RRAGD: variants seen among roughly 807,000 people sequenced by gnomAD.
The protein encoded by RRAGD is Ras related GTP binding D.
A neutral mutation model predicts 35.5 loss-of-function variants in RRAGD; 12 were observed. The ratio of observed to expected loss-of-function variants is 0.34; its 90% CI spans 0.22 to 0.55. The LOEUF is 0.55. Among genes scored for constraint, RRAGD ranks in the 20% least tolerant of loss-of-function variants. The pLI, the probability that RRAGD is intolerant of heterozygous loss-of-function variation, is 0.91. For missense variants in RRAGD, 324 were observed against 490.1 expected (o/e 0.66, Z 3.20); for synonymous variants, 155 against 178.9 (o/e 0.87, Z 1.07).
chr6:89,385,060 G>A (rs985923903), intron 2 of RRAGD, among the ~76,000 whole-genome samples: 2 of 151,848 alleles, frequency 1.3e-5, no homozygotes, highest in Admixed American at 6.6e-5. Context: ...GTGAGACCTC[G>A]TCTGAGGAAG....
intron 1 of RRAGD, among the ~76,000 whole-genome samples, chr6:89,393,282 G>C (rs1299376836): frequency 6.6e-6 from 1 of 152,230 alleles, no homozygotes; most frequent in Non-Finnish European, 1.5e-5. Context: ...GGAATCTGCA[G>C]TCCTTGACTA....
At chr6:89,399,440 T>C (rs892392469) in intron 1 of RRAGD, among the ~76,000 whole-genome samples, 1 of 152,148 alleles carries the variant, frequency 6.6e-6, no homozygotes, top group Non-Finnish European at 1.5e-5. Context: ...TAGTTCCGAA[T>C]AGATGCATTT....
At chr6:89,399,745 C>G (rs1769417586) in intron 1 of RRAGD, among the ~76,000 whole-genome samples, 1 of 150,336 alleles carries the variant, frequency 6.7e-6, no homozygotes, top group African/African-American at 2.5e-5. Flanking sequence ...TGCCACTGCA[C>G]TTTGTACCAC....
chr6:89,370,720 TGTG>T (rs2127883810), intron 6 of RRAGD, among the ~76,000 whole-genome samples: 1 of 152,246 alleles, frequency 6.6e-6, no homozygotes, highest in African/African-American at 2.4e-5. Flanking sequence ...ATTAAAATGA[TGTG>T]GTTAAAAAAA....
intron 2 of RRAGD, among the ~76,000 whole-genome samples, chr6:89,381,927 C>G (rs1769049521): frequency 6.6e-6 from 1 of 151,874 alleles, no homozygotes; most frequent in South Asian, 2.1e-4. Flanking sequence ...CTGTAAACAG[C>G]ATCTGATGCT....
At chr6:89,368,852 C>CA (rs970550183) in intron 6 of RRAGD, among the ~76,000 whole-genome samples, 1 of 151,982 alleles carries the variant, frequency 6.6e-6, no homozygotes, top group Non-Finnish European at 1.5e-5. Flanking sequence ...ATCAGTGACA[C>CA]AAAAAATAGA....
chr6:89,373,024 A>T lies in RRAGD; in HGVS notation c.903-439T>A, dbSNP rs1338426732. On this transcript the variant is annotated intron_variant, in intron 5 of 6. Transcript: ENST00000369415. ...GCTAGACTGGATCCTGAATTGGGAA[A>T]AACTGCTATAAAAGATAGAATTGGG... Among the ~76,000 whole-genome samples, 23 of 152,368 alleles carry T rather than the reference A, an allele frequency of 1.5e-4. No homozygotes were observed. In the East Asian group the frequency reaches 3.9e-3, roughly 26 times the overall value.
chr6:89,381,543 T>C (rs9444687), intron 2 of RRAGD, among the ~76,000 whole-genome samples: 5,372 of 152,302 alleles, frequency 0.035, 182 homozygotes, highest in African/African-American at 0.087. Flanking sequence ...TTATTCTCAC[T>C]CATGTATACA....
At position 89,367,374 on chromosome 6, in the gene RRAGD, G is replaced by A. The variant is rs774066419; in HGVS notation, c.*682C>T. 1 of 152,212 alleles carries A rather than the reference G, an allele frequency of 6.6e-6. No homozygotes were observed. The highest frequency in any genetic ancestry group is 1.5e-5 in the Non-Finnish European group (1 of 68,040). 9.4% of individuals were successfully genotyped at this position (152,212 alleles called of 1,614,324 possible). A position where few individuals can be genotyped will look rare whatever the true frequency, so the allele number is the denominator to read the frequency against. On this transcript the variant is annotated 3_prime_UTR_variant, in exon 7 of 7. Coordinates refer to ENST00000369415, the MANE Select transcript of RRAGD (RefSeq NM_021244.5). ...GTATAAAGTGATTATAGAGATGTGT[G>A]TTGAGGTAAACAGCTTCATAAAAAC... is the stretch of plus-strand genomic sequence containing the variant.
intron 2 of RRAGD, among the ~76,000 whole-genome samples, chr6:89,380,601 G>C (rs751992266): frequency 1.3e-5 from 2 of 152,204 alleles, no homozygotes; most frequent in Non-Finnish European, 2.9e-5. Flanking sequence ...GACTGAGGTT[G>C]ATGACAGTCA....
At chr6:89,392,763 C>G (rs1769261147) in intron 1 of RRAGD, among the ~76,000 whole-genome samples, 2 of 152,060 alleles carry the variant, frequency 1.3e-5, no homozygotes, top group South Asian at 4.1e-4. Context: ...TAGGTGTAGG[C>G]AAACATACAT....
chr6:89,367,956 G>T lies in RRAGD; in HGVS notation c.*100C>A. On this transcript the variant is annotated 3_prime_UTR_variant, in exon 7 of 7. Coordinates refer to ENST00000369415, the MANE Select transcript of RRAGD (RefSeq NM_021244.5). ...TTTTTTTTTTAACAACAAATCAATG[G>T]TATGTGTCCCAATCTCCTTCTTCCT... The T allele has an allele frequency of 1.9e-6, 2 of 1,025,950 alleles. No homozygotes were observed. Among genetic ancestry groups the T allele is most frequent in the Non-Finnish European group, 1.4e-6 (1 of 732,378 alleles). The allele number at this position is 1,025,950 out of a possible 1,614,324, so 63.6% of individuals were successfully genotyped here. A position where few individuals can be genotyped will look rare whatever the true frequency, so the allele number is the denominator to read the frequency against.
chr6:89,396,353 GA>G (rs1388705471), intron 1 of RRAGD, among the ~76,000 whole-genome samples: 2 of 152,154 alleles, frequency 1.3e-5, no homozygotes. Context: ...ATGTATCTGG[GA>G]AGGGACTTGT....
chr6:89,389,555 C>CAAAAAA (rs767352705), intron 1 of RRAGD, among the ~76,000 whole-genome samples: 4 of 58,178 alleles, frequency 6.9e-5, no homozygotes, highest in Non-Finnish European at 1.5e-4. Flanking sequence ...GACTCCGTCT[C>CAAAAAA]AAAAAAAAAA....
intron 1 of RRAGD, among the ~76,000 whole-genome samples, chr6:89,402,040 T>A (rs1769478709): frequency 7.9e-6 from 1 of 126,034 alleles, no homozygotes; most frequent in Non-Finnish European, 1.6e-5. Context: ...TCCTAAGGAT[T>A]TTTTTTTTTT....
chr6:89,403,746 T>G (rs1769525112), intron 1 of RRAGD, among the ~76,000 whole-genome samples: 1 of 151,532 alleles, frequency 6.6e-6, no homozygotes, highest in South Asian at 2.1e-4. Context: ...GTGATCCTTC[T>G]GCCTCAGCCT....
chr6:89,387,214 G>A (rs2127890700), intron 2 of RRAGD, 81 bp downstream of exon 2: 1 of 1,427,102 alleles, frequency 7.0e-7, no homozygotes, highest in Non-Finnish European at 9.6e-7. Context: ...CTATTCCAGA[G>A]TTTAAAAACC....
intron 1 of RRAGD, among the ~76,000 whole-genome samples, chr6:89,403,776 A>G (rs1394246634): frequency 6.6e-6 from 1 of 151,838 alleles, no homozygotes; most frequent in Non-Finnish European, 1.5e-5. Context: ...CGAGGACTAC[A>G]GGCACACACC....
rs1768744232 is a variant in RRAGD, at chr6:89,366,363, A to T, written c.*1693T>A. The T allele has an allele frequency of 6.6e-6, 1 of 152,164 alleles. No individual in the cohort carries two copies. The highest frequency in any genetic ancestry group is 1.5e-5 in the Non-Finnish European group (1 of 68,140). The allele number at this position is 152,164 out of a possible 1,614,324, so 9.4% of individuals were successfully genotyped here. On this transcript the variant is annotated 3_prime_UTR_variant, in exon 7 of 7. Transcript: ENST00000369415. ...GGCAACACAGTGAGATCCTGTCTCT[A>T]CAAAAACAAAATTTAAGAATTAGCC...
Sources: gnomAD v4.1 joint callset for allele counts (sites outside exome capture counted in the v4.1 genomes callset) on GRCh38, gnomAD v4.1.1 for gene constraint, MANE v1.5 for transcripts, NCBI Gene and HGNC (gene_info 2026-07-23, HGNC 2026-07-21) for gene names.